The following PIK3C2G variants were observed in gnomAD, a reference collection of about 807,000 sequenced individuals.
PIK3C2G encodes phosphatidylinositol-4-phosphate 3-kinase catalytic subunit type 2 gamma, also known as phosphatidylinositol 3-kinase C2 domain-containing subunit gamma.
In PIK3C2G, 168 loss-of-function variants were observed where a neutral mutation model predicts 181.1. The observed-to-expected ratio is 0.93, with a 90% CI of 0.82 to 1.05. The LOEUF (loss-of-function observed/expected upper bound fraction) is 1.05, where lower values mean the gene tolerates loss of function less well. Among genes scored for constraint, PIK3C2G ranks in the 50% least tolerant of loss-of-function variants. PIK3C2G has a pLI of 0.00. For missense variants in PIK3C2G, 1,869 were observed against 1,732.8 expected, an observed-to-expected ratio of 1.08 and a Z score of -1.40; for synonymous variants, 573 against 592.2, an observed-to-expected ratio of 0.97 and a Z score of 0.47.
the PIK3C2G span, among the ~76,000 whole-genome samples, chr12:18,681,052 T>G: frequency 6.6e-6 from 1 of 152,064 alleles, no homozygotes; most frequent in Admixed American, 6.6e-5. Flanking sequence ...GATTCCGGAA[T>G]GTTCTTGTCT....
chr12:18,654,153 G>A, the PIK3C2G span, among the ~76,000 whole-genome samples: 2 of 151,326 alleles, frequency 1.3e-5, no homozygotes, highest in African/African-American at 2.4e-5. Context: ...GATATGAAGG[G>A]GAAATGAAAT....
the PIK3C2G span, among the ~76,000 whole-genome samples, chr12:18,716,069 A>G: frequency 6.6e-6 from 1 of 152,160 alleles, no homozygotes. Context: ...ATGTATTTAG[A>G]TTTTAAGTTG....
downstream of PIK3C2G, among the ~76,000 whole-genome samples, chr12:18,652,459 G>T (rs1263192160): frequency 6.6e-6 from 1 of 152,096 alleles, no homozygotes; most frequent in Non-Finnish European, 1.5e-5. Context: ...CTCTCAAAAG[G>T]AACCAACCAT....
chr12:18,295,773 G>GTAA (rs1949912368), intron 5 of PIK3C2G, among the ~76,000 whole-genome samples: 1 of 150,636 alleles, frequency 6.6e-6, no homozygotes, highest in Non-Finnish European at 1.5e-5. Flanking sequence ...TTATTTAAGA[G>GTAA]TAATAGCCTA....
chr12:18,397,359 T>C (rs893912902), intron 15 of PIK3C2G, among the ~76,000 whole-genome samples: 1 of 151,982 alleles, frequency 6.6e-6, no homozygotes, highest in African/African-American at 2.4e-5. Flanking sequence ...AAGAAATCTA[T>C]AGGCAAGCCA....
At chr12:18,360,334 C>T (rs1034364848) in intron 11 of PIK3C2G, among the ~76,000 whole-genome samples, 58 of 152,120 alleles carry the variant, frequency 3.8e-4, no homozygotes, top group African/African-American at 1.3e-3. Flanking sequence ...TTTTATATTA[C>T]ATATCAATTT....
At chr12:18,698,419 C>T in the PIK3C2G span, among the ~76,000 whole-genome samples, 2 of 151,970 alleles carry the variant, frequency 1.3e-5, no homozygotes, top group African/African-American at 4.8e-5. Context: ...AGGAAAAGAG[C>T]CTTTAAAAAA....
At chr12:18,257,958 G>C (rs1948165038), upstream of PIK3C2G, among the ~76,000 whole-genome samples, 1 of 152,052 alleles carries the variant, frequency 6.6e-6, no homozygotes, top group Non-Finnish European at 1.5e-5. Context: ...CTTCTTGGTA[G>C]AACCAACTCT....
chr12:18,584,089 C>T (rs1946646630), intron 29 of PIK3C2G, among the ~76,000 whole-genome samples: 2 of 150,784 alleles, frequency 1.3e-5, no homozygotes, highest in South Asian at 2.1e-4. Context: ...AGTTCAGTGG[C>T]GTGATCTCGG....
At chr12:18,338,315 A>G in intron 8 of PIK3C2G, 111 bp from the exon 9 acceptor site, 1 of 808,226 alleles carries the variant, frequency 1.2e-6, no homozygotes, top group South Asian at 1.9e-5. Flanking sequence ...AAAGCAAACA[A>G]GCATATTTTA....
intron 6 of PIK3C2G, among the ~76,000 whole-genome samples, chr12:18,319,269 G>C (rs986511976): frequency 6.6e-6 from 1 of 152,014 alleles, no homozygotes; most frequent in Admixed American, 6.6e-5. Flanking sequence ...ATAAAATCAA[G>C]ATTTTCTTAT....
At chr12:18,668,014 T>C in the PIK3C2G span, among the ~76,000 whole-genome samples, 1 of 152,216 alleles carries the variant, frequency 6.6e-6, no homozygotes, top group Non-Finnish European at 1.5e-5. Context: ...AAGGTCTACC[T>C]TTAGGACACT....
At chr12:18,518,505 T>G (rs941618058) in intron 24 of PIK3C2G, among the ~76,000 whole-genome samples, 9 of 152,220 alleles carry the variant, frequency 5.9e-5, no homozygotes, top group Non-Finnish European at 1.3e-4. Flanking sequence ...CTTCTAGATT[T>G]TCTAGTTTAT....
chr12:18,262,277 T>C (rs945629645), intron 1 of PIK3C2G, among the ~76,000 whole-genome samples: 2 of 152,150 alleles, frequency 1.3e-5, no homozygotes, highest in African/African-American at 2.4e-5. Context: ...AAGTTAGAGA[T>C]AAGATATACC....
chr12:18,455,191 T>C (rs1947557925), intron 18 of PIK3C2G, among the ~76,000 whole-genome samples: 1 of 152,146 alleles, frequency 6.6e-6, no homozygotes. Context: ...GATCACTATA[T>C]CAGCTTTGTC....
chr12:18,636,358 A>G (rs1454226313), intron 31 of PIK3C2G, among the ~76,000 whole-genome samples: 1 of 152,092 alleles, frequency 6.6e-6, no homozygotes, highest in Non-Finnish European at 1.5e-5. Flanking sequence ...TCAGCCCCCA[A>G]GCAGCTGGGA....
chr12:18,697,828 A>G, the PIK3C2G span, among the ~76,000 whole-genome samples: 1 of 151,982 alleles, frequency 6.6e-6, no homozygotes, highest in East Asian at 1.9e-4. Context: ...CATTATGTTT[A>G]TAATAATAAT....
intron 11 of PIK3C2G, among the ~76,000 whole-genome samples, chr12:18,362,200 G>T (rs928413195): frequency 3.3e-5 from 5 of 152,128 alleles, no homozygotes; most frequent in African/African-American, 9.7e-5. Context: ...GCAAGTACGT[G>T]CTAGTAAAAA....
intron 30 of PIK3C2G, among the ~76,000 whole-genome samples, chr12:18,604,653 G>A (rs1198425266): frequency 6.6e-6 from 1 of 152,068 alleles, no homozygotes; most frequent in East Asian, 1.9e-4. Flanking sequence ...GCCATAAAAT[G>A]AGCCTCAATA....
Sources: allele counts gnomAD v4.1 joint callset (sites outside exome capture counted in the v4.1 genomes callset), GRCh38; gene constraint gnomAD v4.1.1; transcripts MANE v1.5; gene names NCBI Gene and HGNC (gene_info 2026-07-23, HGNC 2026-07-21).